TRDN: variants seen among roughly 807,000 people sequenced by gnomAD.
The protein encoded by TRDN is triadin in skeletal muscle.
A neutral mutation model predicts 149.7 loss-of-function variants in TRDN; 161 were observed. That is an observed-to-expected ratio of 1.08 (90% CI 0.95 to 1.23). The LOEUF is 1.23. TRDN is among the 50% of genes most tolerant of loss of function. The pLI, the probability that TRDN is intolerant of heterozygous loss-of-function variation, is 0.00. For missense variants in TRDN, 896 were observed against 823.5 expected (o/e 1.09, Z -1.08); for synonymous variants, 294 against 250.5 (o/e 1.17, Z -1.64).
rs76531813 is a variant in TRDN at position 123,242,128 on chromosome 6, G to A, written c.1975+10284C>T. On this transcript the variant is annotated intron_variant, in intron 38 of 40. Transcript: ENST00000334268. Reference sequence around the variant, plus strand: ...CTGTCTAGAGCCTTATGACTCTTCCGGTTGAAAAACCTTCCCGCAGCATTG... The same window carrying A: ...CTGTCTAGAGCCTTATGACTCTTCCAGTTGAAAAACCTTCCCGCAGCATTG... Among the ~76,000 whole-genome samples, 1,277 of 152,178 alleles carry A rather than the reference G, an allele frequency of 8.4e-3. 12 individuals are homozygous for A. Among genetic ancestry groups the A allele is most frequent in the African/African-American group, 0.029 (1,213 of 41,540 alleles).
intron 23 of TRDN, among the ~76,000 whole-genome samples, chr6:123,324,517 T>C (rs1241452196): frequency 1.3e-5 from 2 of 151,976 alleles, no homozygotes; most frequent in Non-Finnish European, 2.9e-5. Flanking sequence ...GAGAAGCATA[T>C]TAGAACATAT....
chr6:123,341,545 A>C (rs1160907797), intron 21 of TRDN, among the ~76,000 whole-genome samples: 1 of 151,772 alleles, frequency 6.6e-6, no homozygotes, highest in Admixed American at 6.6e-5. Context: ...GTAATCCTCT[A>C]TCTCTAACTG....
Position 123,235,300 on chromosome 6 carries a change from A to T in TRDN, c.1976-11169T>A, listed in dbSNP as rs193123407. On this transcript the variant is annotated intron_variant, in intron 38 of 40. Transcript: ENST00000334268. ...GAGGGACTTTGTCAAGTCCAATAGCAGGTAAGCATTGAGAGCTGAAGGTGC... is the reference window on the plus strand; with the variant it reads ...GAGGGACTTTGTCAAGTCCAATAGCTGGTAAGCATTGAGAGCTGAAGGTGC... Among the ~76,000 whole-genome samples, 64 of 152,160 alleles carry T rather than the reference A, an allele frequency of 4.2e-4. 1 individual carries two copies. The highest frequency in any genetic ancestry group is 8.4e-4 in the Non-Finnish European group (57 of 67,992).
chr6:123,324,395 T>C (rs1779364731), intron 23 of TRDN, among the ~76,000 whole-genome samples: 1 of 151,866 alleles, frequency 6.6e-6, no homozygotes, highest in South Asian at 2.1e-4. Context: ...CAGGAGGAGC[T>C]CTTGAGCCCA....
At chr6:123,344,573 T>A (rs1401744912) in intron 21 of TRDN, among the ~76,000 whole-genome samples, 2 of 152,054 alleles carry the variant, frequency 1.3e-5, no homozygotes, top group African/African-American at 4.8e-5. Flanking sequence ...AAATATAATT[T>A]AAGGTTCTTC....
rs1352779751 is a variant in TRDN at position 123,255,091 on chromosome 6, A to G, written c.1941T>C (p.Asn647=). ...STRKESLQLH[N]VTKAEKPARV... ...GTAATTCAAGATTACCTTTTGTCAC[A>G]TTGTGTAATTGAAGACTTTCTTTTC... Residue 647 remains asparagine, a synonymous_variant, in exon 37 of 41, where the codon AAT becomes AAC. Transcript: ENST00000334268. 7.3e-7 allele frequency: 1 copy of G among 1,376,850 alleles called. No individual in the cohort carries two copies. Among genetic ancestry groups the G allele is most frequent in the East Asian group, 2.6e-5 (1 of 39,126 alleles). 85.3% of individuals were successfully genotyped at this position (1,376,850 alleles called of 1,614,324 possible). A position where few individuals can be genotyped will look rare whatever the true frequency, so the allele number is the denominator to read the frequency against.
intron 12 of TRDN, among the ~76,000 whole-genome samples, chr6:123,417,303 T>C (rs1773697014): frequency 6.7e-6 from 1 of 149,016 alleles, no homozygotes; most frequent in African/African-American, 2.5e-5. Flanking sequence ...CCTAAAATCC[T>C]ACAATATAAA....
rs754212646 is a variant in TRDN, at chr6:123,636,746, A to G, written c.22+8T>C. 2.3e-5 allele frequency: 37 copies of G among 1,611,488 alleles called. No homozygotes were observed. In the East Asian group the frequency reaches 7.6e-4, roughly 33 times the overall value. On this transcript the variant is annotated splice_region_variant and intron_variant, in intron 1 of 40. Coordinates refer to ENST00000334268, the MANE Select transcript of TRDN (RefSeq NM_006073.4). ...TTACTTGATACTATCGGAAAATGGTAGCAATACCTTCAGCAGTGATCTCAG... is the reference window on the plus strand; with the variant it reads ...TTACTTGATACTATCGGAAAATGGTGGCAATACCTTCAGCAGTGATCTCAG...
At chr6:123,405,228 T>C (rs1052599366) in intron 12 of TRDN, among the ~76,000 whole-genome samples, 10 of 152,190 alleles carry the variant, frequency 6.6e-5, no homozygotes, top group African/African-American at 2.4e-4. Flanking sequence ...GCTGGAGCAA[T>C]GTGCATAGAA....
intron 1 of TRDN, among the ~76,000 whole-genome samples, chr6:123,575,516 G>A (rs1466971344): frequency 6.6e-6 from 1 of 152,016 alleles, no homozygotes; most frequent in Admixed American, 6.6e-5. Flanking sequence ...ATTTGACATG[G>A]GCTATGCCTC....
intron 38 of TRDN, among the ~76,000 whole-genome samples, chr6:123,227,383 C>T (rs533281611): frequency 1.3e-5 from 2 of 151,908 alleles, no homozygotes; most frequent in East Asian, 1.9e-4. Context: ...GACAGTGGTG[C>T]CACTCCCAAC....
At chr6:123,591,361 T>C (rs1783772308) in intron 1 of TRDN, among the ~76,000 whole-genome samples, 1 of 152,192 alleles carries the variant, frequency 6.6e-6, no homozygotes, top group South Asian at 2.1e-4. Context: ...TTCTCCTGCC[T>C]CAGCCTCCTG....
intron 7 of TRDN, among the ~76,000 whole-genome samples, chr6:123,504,138 C>G (rs1052137099): frequency 6.6e-6 from 1 of 151,812 alleles, no homozygotes; most frequent in African/African-American, 2.4e-5. Context: ...AGATAGACTA[C>G]TAAAAGTGTT....
intron 9 of TRDN, among the ~76,000 whole-genome samples, chr6:123,473,889 G>A (rs1271145112): frequency 6.6e-5 from 10 of 151,790 alleles, no homozygotes; most frequent in Non-Finnish European, 1.3e-4. Context: ...CAGACAAGCA[G>A]ATGCTGAGAG....
At chr6:123,406,946 G>A (rs1468948077) in intron 12 of TRDN, among the ~76,000 whole-genome samples, 1 of 152,028 alleles carries the variant, frequency 6.6e-6, no homozygotes, top group Non-Finnish European at 1.5e-5. Flanking sequence ...CAGTAGAGTA[G>A]GAAAAAGAGA....
At chr6:123,352,053 G>C (rs1349310626) in intron 21 of TRDN, 1 of 976,878 alleles carries the variant, frequency 1.0e-6, no homozygotes, top group Admixed American at 6.2e-5. Flanking sequence ...AATGGTTGAA[G>C]TCATAATATA....
intron 1 of TRDN, among the ~76,000 whole-genome samples, chr6:123,580,493 T>G (rs1783070327): frequency 6.6e-6 from 1 of 152,190 alleles, no homozygotes; most frequent in African/African-American, 2.4e-5. Context: ...CCTGCATATT[T>G]TTCTTGTTCT....
At position 123,503,707 on chromosome 6, in the gene TRDN, C is replaced by G. The variant is rs754245549; in HGVS notation, c.793+12G>C. ...TTAGAACCTCCGGCAGCCTCCTGCTCTGAATGTTTACCTTTCTGTTCATGC... is the reference window on the plus strand; with the variant it reads ...TTAGAACCTCCGGCAGCCTCCTGCTGTGAATGTTTACCTTTCTGTTCATGC... On this transcript the variant is annotated intron_variant, in intron 8 of 40. Coordinates refer to ENST00000334268, the MANE Select transcript of TRDN (RefSeq NM_006073.4). The G allele has an allele frequency of 1.2e-6, 2 of 1,613,566 alleles. No individual in the cohort carries two copies. The highest frequency in any genetic ancestry group is 1.7e-6 in the Non-Finnish European group (2 of 1,179,766).
At chr6:123,475,086 A>T (rs1777396490) in intron 9 of TRDN, among the ~76,000 whole-genome samples, 1 of 148,084 alleles carries the variant, frequency 6.8e-6, no homozygotes, top group South Asian at 2.4e-4. Flanking sequence ...ATAGAGATAC[A>T]AAAAACCCTT....
Sources: allele counts gnomAD v4.1 joint callset (sites outside exome capture counted in the v4.1 genomes callset), GRCh38; gene constraint gnomAD v4.1.1; transcripts MANE v1.5; gene names NCBI Gene and HGNC (gene_info 2026-07-23, HGNC 2026-07-21).